PSMD14: variants seen among roughly 807,000 people sequenced by gnomAD.
PSMD14 encodes the protein ubiquitin C-terminal hydrolase PSMD14.
Under a neutral mutation model 41.2 loss-of-function variants are expected in PSMD14, and 7 were observed. That is an observed-to-expected ratio of 0.17 (90% CI 0.10 to 0.32). The LOEUF is 0.32. Ranked by LOEUF, PSMD14 falls within the 10% of genes least tolerant of loss-of-function variation. PSMD14 has a pLI of 1.00. For missense variants in PSMD14, 139 were observed against 375.6 expected, an observed-to-expected ratio of 0.37 and a Z score of 5.21; for synonymous variants, 114 against 122.3, an observed-to-expected ratio of 0.93 and a Z score of 0.45.
At chr2:161,363,106 G>A (rs2105253871) in intron 3 of PSMD14, among the ~76,000 whole-genome samples, 1 of 152,240 alleles carries the variant, frequency 6.6e-6, no homozygotes, top group East Asian at 1.9e-4. Flanking sequence ...ATCAGTGGCG[G>A]CATTATATTC....
intron 3 of PSMD14, among the ~76,000 whole-genome samples, chr2:161,348,185 A>G (rs899801390): frequency 1.3e-5 from 2 of 152,214 alleles, no homozygotes; most frequent in Admixed American, 6.5e-5. Flanking sequence ...TACATTCCCT[A>G]GAGAACGTCT....
intron 8 of PSMD14, among the ~76,000 whole-genome samples, chr2:161,389,889 G>GTTGTGTTTTTTTTT: frequency 5.0e-5 from 1 of 20,042 alleles, no homozygotes; most frequent in Non-Finnish European, 1.0e-4. Context: ...CTTTTTTGTT[G>GTTGTGTTTTTTTTT]TTTTTTTTTT....
At chr2:161,350,689 G>A (rs1309290967) in intron 3 of PSMD14, among the ~76,000 whole-genome samples, 2 of 152,166 alleles carry the variant, frequency 1.3e-5, no homozygotes, top group Admixed American at 1.3e-4. Flanking sequence ...AGGAATAAGT[G>A]GATTTCATGT....
intron 3 of PSMD14, among the ~76,000 whole-genome samples, chr2:161,335,950 C>T (rs1243123691): frequency 6.6e-6 from 1 of 152,170 alleles, no homozygotes; most frequent in African/African-American, 2.4e-5. Context: ...ATGGTCTTCT[C>T]AACTGGTATT....
intron 5 of PSMD14, among the ~76,000 whole-genome samples, chr2:161,368,269 C>T (rs1237403900): frequency 6.6e-6 from 1 of 152,056 alleles, no homozygotes; most frequent in Non-Finnish European, 1.5e-5. Context: ...TTTCAACTCA[C>T]ATATACTGGT....
At chr2:161,377,488 T>C (rs1459354310) in intron 7 of PSMD14, among the ~76,000 whole-genome samples, 1 of 151,960 alleles carries the variant, frequency 6.6e-6, no homozygotes, top group Non-Finnish European at 1.5e-5. Flanking sequence ...ATACTATTTA[T>C]GATAGAATAA....
intron 3 of PSMD14, among the ~76,000 whole-genome samples, chr2:161,351,912 G>A (rs7566586): frequency 2.0e-5 from 3 of 152,094 alleles, no homozygotes; most frequent in East Asian, 1.9e-4. Flanking sequence ...AAGTGCAGTC[G>A]TACTATGTGC....
At position 161,388,950 on chromosome 2, in the gene PSMD14, G is replaced by A. The variant is rs186951449; in HGVS notation, c.571-2154G>A. On this transcript the variant is annotated intron_variant, in intron 8 of 11. Transcript: ENST00000409682. ...ATGATTTGGGAGGAAGGCACTGGGG[G>A]CACACAGCAGGTGAGTAAGTGAAAT... Among the ~76,000 whole-genome samples, 3 of 152,230 alleles carry A rather than the reference G, an allele frequency of 2.0e-5. No homozygotes were observed. The East Asian group carries it at 5.8e-4, about 29-fold the overall frequency.
At chr2:161,373,743 G>T (rs545256496) in intron 7 of PSMD14, among the ~76,000 whole-genome samples, 2 of 151,864 alleles carry the variant, frequency 1.3e-5, no homozygotes, top group East Asian at 3.9e-4. Context: ...TGAACATTTT[G>T]TATATTTCCA....
intron 3 of PSMD14, among the ~76,000 whole-genome samples, chr2:161,322,741 G>A (rs954836708): frequency 6.6e-6 from 1 of 152,166 alleles, no homozygotes; most frequent in East Asian, 1.9e-4. Context: ...AGGAATATCA[G>A]TATTATAATC....
chr2:161,394,515 A>T (rs1574140766), intron 9 of PSMD14, among the ~76,000 whole-genome samples: 2 of 152,266 alleles, frequency 1.3e-5, no homozygotes, highest in South Asian at 4.1e-4. Flanking sequence ...GCTATATGAA[A>T]AATTAGAGAT....
chr2:161,389,455 G>A (rs552455352), intron 8 of PSMD14, among the ~76,000 whole-genome samples: 1 of 152,244 alleles, frequency 6.6e-6, no homozygotes, highest in Admixed American at 6.5e-5. Flanking sequence ...GATCTGTACA[G>A]TATAGCATTT....
chr2:161,316,055 G>A (rs1416663082), intron 1 of PSMD14, among the ~76,000 whole-genome samples: 1 of 152,078 alleles, frequency 6.6e-6, no homozygotes, highest in Non-Finnish European at 1.5e-5. Context: ...TGTTAGCCAG[G>A]CTGGTCTCCA....
intron 1 of PSMD14, among the ~76,000 whole-genome samples, chr2:161,316,228 C>G (rs1689146507): frequency 1.3e-5 from 2 of 152,172 alleles, no homozygotes; most frequent in African/African-American, 4.8e-5. Flanking sequence ...GAGAAACATA[C>G]AGATAAAATT....
intron 3 of PSMD14, chr2:161,341,116 G>A (rs1012952321): frequency 7.4e-7 from 1 of 1,344,696 alleles, no homozygotes; most frequent in African/African-American, 1.6e-5. Flanking sequence ...GGCTCCTCCG[G>A]CCCCGCGGGC....
At chr2:161,354,479 A>G (rs1683165656) in intron 3 of PSMD14, among the ~76,000 whole-genome samples, 1 of 134,384 alleles carries the variant, frequency 7.4e-6, no homozygotes, top group Non-Finnish European at 1.6e-5. Flanking sequence ...GTTTTTTTAT[A>G]ACAAAGGTAG....
intron 3 of PSMD14, among the ~76,000 whole-genome samples, chr2:161,328,139 A>G (rs993571768): frequency 2.6e-5 from 4 of 152,164 alleles, no homozygotes; most frequent in Non-Finnish European, 5.9e-5. Context: ...GAAAATGACC[A>G]AAATTCTGTT....
chr2:161,374,092 G>C (rs1683474132), intron 7 of PSMD14, among the ~76,000 whole-genome samples: 1 of 151,884 alleles, frequency 6.6e-6, no homozygotes, highest in South Asian at 2.1e-4. Context: ...CAGGGCTCAG[G>C]CTTTTTTAAT....
intron 3 of PSMD14, among the ~76,000 whole-genome samples, chr2:161,355,523 A>C (rs1683183234): frequency 6.6e-6 from 1 of 152,004 alleles, no homozygotes; most frequent in Admixed American, 6.6e-5. Context: ...TTATTTTGAC[A>C]TTTCCATTCT....
Sources: gnomAD v4.1 joint callset for allele counts (sites outside exome capture counted in the v4.1 genomes callset) on GRCh38, gnomAD v4.1.1 for gene constraint, MANE v1.5 for transcripts, NCBI Gene and HGNC (gene_info 2026-07-23, HGNC 2026-07-21) for gene names.